Variants in DACH1 observed in about 807,000 individuals in gnomAD.
The protein encoded by DACH1 is dachshund family transcription factor 1.
In DACH1, 12 loss-of-function variants were observed where a neutral mutation model predicts 54.2. The ratio of observed to expected loss-of-function variants is 0.22; its 90% CI spans 0.14 to 0.36. DACH1 has a LOEUF of 0.36. Among genes scored for constraint, DACH1 ranks in the 10% least tolerant of loss-of-function variants. The pLI, the probability that DACH1 is intolerant of heterozygous loss-of-function variation, is 1.00. For synonymous variants in DACH1, 386 were observed against 366.2 expected, an observed-to-expected ratio of 1.05 and a Z score of -0.62; for missense variants, 805 against 929.8, an observed-to-expected ratio of 0.87 and a Z score of 1.75.
At chr13:71,652,362 A>G (rs761839806) in intron 2 of DACH1, among the ~76,000 whole-genome samples, 5 of 152,042 alleles carry the variant, frequency 3.3e-5, no homozygotes, top group Non-Finnish European at 7.4e-5. Flanking sequence ...CATTTTTGGC[A>G]TTACCCATTG....
intron 10 of DACH1, among the ~76,000 whole-genome samples, chr13:71,463,574 T>G (rs1428031427): frequency 1.3e-5 from 2 of 151,936 alleles, no homozygotes; most frequent in South Asian, 2.1e-4. Context: ...ACAAAGGAAC[T>G]CAAAGATTCT....
chr13:71,849,011 A>G (rs1403932678), intron 1 of DACH1, among the ~76,000 whole-genome samples: 1 of 152,200 alleles, frequency 6.6e-6, no homozygotes, highest in Non-Finnish European at 1.5e-5. Context: ...GACTCTTCTT[A>G]TGACCCTACG....
At chr13:71,858,522 C>T (rs966864134) in intron 1 of DACH1, among the ~76,000 whole-genome samples, 1 of 151,554 alleles carries the variant, frequency 6.6e-6, no homozygotes, top group Admixed American at 6.6e-5. Flanking sequence ...CTTCAAAATC[C>T]ACTTCAGGAT....
intron 4 of DACH1, among the ~76,000 whole-genome samples, chr13:71,571,377 G>A (rs1885184847): frequency 6.6e-6 from 1 of 152,146 alleles, no homozygotes; most frequent in Non-Finnish European, 1.5e-5. Context: ...TCAGAGTGCT[G>A]AATTCTCAAT....
At chr13:71,779,638 T>C (rs995171810) in intron 1 of DACH1, among the ~76,000 whole-genome samples, 1 of 152,056 alleles carries the variant, frequency 6.6e-6, no homozygotes, top group African/African-American at 2.4e-5. Flanking sequence ...GGTAAAACAA[T>C]AACCACACCA....
intron 1 of DACH1, among the ~76,000 whole-genome samples, chr13:71,699,284 C>T (rs985320481): frequency 1.4e-4 from 22 of 152,150 alleles, no homozygotes; most frequent in African/African-American, 5.3e-4. Flanking sequence ...TGAATATAGA[C>T]ACGAGGATTG....
chr13:71,780,798 T>C (rs1405342134), intron 1 of DACH1, among the ~76,000 whole-genome samples: 1 of 152,160 alleles, frequency 6.6e-6, no homozygotes, highest in Admixed American at 6.5e-5. Context: ...TGTTTAACTT[T>C]CTTGTTACAC....
At chr13:71,823,128 T>A (rs1888254763) in intron 1 of DACH1, among the ~76,000 whole-genome samples, 2 of 152,080 alleles carry the variant, frequency 1.3e-5, no homozygotes, top group Admixed American at 1.3e-4. Flanking sequence ...TTCAAAAAAT[T>A]ATTTTTTCCT....
intron 1 of DACH1, among the ~76,000 whole-genome samples, chr13:71,759,726 C>T (rs567566254): frequency 3.1e-4 from 47 of 152,226 alleles, no homozygotes; most frequent in Middle Eastern, 3.4e-3. Context: ...TTAATGACTG[C>T]ATTTCTTGTT....
At chr13:71,630,020 T>C (rs1566391161) in intron 3 of DACH1, among the ~76,000 whole-genome samples, 2 of 151,964 alleles carry the variant, frequency 1.3e-5, no homozygotes, top group Admixed American at 1.3e-4. Context: ...AGAAAAAAAA[T>C]CAAGAAAATT....
intron 6 of DACH1, among the ~76,000 whole-genome samples, chr13:71,497,985 G>C (rs536166221): frequency 1.9e-4 from 29 of 151,660 alleles, no homozygotes; most frequent in Admixed American, 1.5e-3. Flanking sequence ...CACTTAAGAG[G>C]CTTCTTGGAT....
chr13:71,746,148 G>A (rs1466928467), intron 1 of DACH1, among the ~76,000 whole-genome samples: 5 of 152,148 alleles, frequency 3.3e-5, no homozygotes, highest in African/African-American at 1.2e-4. Flanking sequence ...AACCCGGGAG[G>A]CAGAGGTTGC....
Position 71,770,854 on chromosome 13 carries a change from A to G in DACH1, c.849-88944T>C, listed in dbSNP as rs531138351. On this transcript the variant is annotated intron_variant, in intron 1 of 10. Coordinates refer to ENST00000613252, the MANE Select transcript of DACH1 (RefSeq NM_080759.6). ...CCAGGTGCCTCTTTCCCTCCAGTGC[A>G]ATACTGATCTTTCCTTGACTACATG... Among the ~76,000 whole-genome samples, 4 of 151,672 alleles carry G rather than the reference A, an allele frequency of 2.6e-5. No homozygotes were observed. The East Asian group carries it at 5.8e-4, about 22-fold the overall frequency.
intron 6 of DACH1, among the ~76,000 whole-genome samples, chr13:71,549,960 T>C (rs1038229165): frequency 3.9e-5 from 6 of 152,184 alleles, no homozygotes; most frequent in African/African-American, 1.4e-4. Flanking sequence ...AATACAATCA[T>C]TGACATATAA....
intron 1 of DACH1, among the ~76,000 whole-genome samples, chr13:71,730,138 C>T (rs2137908330): frequency 6.6e-6 from 1 of 151,974 alleles, no homozygotes; most frequent in African/African-American, 2.4e-5. Flanking sequence ...CAGCATGGCA[C>T]ATGTATACAT....
chr13:71,462,803 AGT>A (rs1876195037), intron 10 of DACH1, among the ~76,000 whole-genome samples: 1 of 151,708 alleles, frequency 6.6e-6, no homozygotes, highest in African/African-American at 2.4e-5. Flanking sequence ...TATTATACTT[AGT>A]ATTATACAGT....
At chr13:71,855,459 G>A (rs553994038) in intron 1 of DACH1, among the ~76,000 whole-genome samples, 1 of 152,042 alleles carries the variant, frequency 6.6e-6, no homozygotes, top group Non-Finnish European at 1.5e-5. Flanking sequence ...AAGTAGAGAT[G>A]CTATGACCTT....
intron 1 of DACH1, among the ~76,000 whole-genome samples, chr13:71,804,646 T>C (rs1887420721): frequency 6.6e-6 from 1 of 152,292 alleles, no homozygotes; most frequent in Admixed American, 6.5e-5. Flanking sequence ...AAGCGCTGCA[T>C]TTGCTCACAA....
intron 10 of DACH1, among the ~76,000 whole-genome samples, chr13:71,460,179 A>G (rs1875949126): frequency 6.6e-6 from 1 of 152,086 alleles, no homozygotes; most frequent in Non-Finnish European, 1.5e-5. Context: ...AGTTTAGAAA[A>G]TCAGTTATTA....
Sources: gnomAD v4.1 joint callset for allele counts (sites outside exome capture counted in the v4.1 genomes callset) on GRCh38, gnomAD v4.1.1 for gene constraint, MANE v1.5 for transcripts, NCBI Gene and HGNC (gene_info 2026-07-23, HGNC 2026-07-21) for gene names.